Variants in PARN observed in about 807,000 individuals in gnomAD.
PARN encodes poly(A)-specific ribonuclease PARN.
PARN carries 71 observed loss-of-function variants against 102.8 expected under a neutral mutation model. The ratio of observed to expected loss-of-function variants is 0.69; its 90% CI spans 0.57 to 0.84. The LOEUF (loss-of-function observed/expected upper bound fraction) is 0.84, where lower values mean the gene tolerates loss of function less well. Among genes scored for constraint, PARN ranks in the 40% least tolerant of loss-of-function variants. The pLI, the probability that PARN is intolerant of heterozygous loss-of-function variation, is 0.00. For missense variants in PARN, 782 were observed against 760.9 expected, an observed-to-expected ratio of 1.03 and a Z score of -0.33; for synonymous variants, 261 against 252.9, an observed-to-expected ratio of 1.03 and a Z score of -0.30.
chr16:14,618,230 G>C (rs141430723), intron 5 of PARN, among the ~76,000 whole-genome samples: 6,223 of 152,232 alleles, frequency 0.041, 146 homozygotes, highest in African/African-American at 0.05. Flanking sequence ...GCTGACACCT[G>C]TAATCCCAGC....
intron 1 of PARN, 118 bp from the exon 2 acceptor site, chr16:14,629,792 G>A (rs1972919158): frequency 1.3e-6 from 1 of 797,896 alleles, no homozygotes; most frequent in Non-Finnish European, 2.2e-6. Context: ...AGTCCCGGAG[G>A]TGTGCACCGG....
chr16:14,620,162 G>A (rs1972209524), intron 5 of PARN, among the ~76,000 whole-genome samples: 1 of 150,734 alleles, frequency 6.6e-6, no homozygotes, highest in African/African-American at 2.4e-5. Context: ...CAGATTACAA[G>A]GTCAGGAGAT....
chr16:14,539,248 T>C (rs1194228698), intron 21 of PARN, among the ~76,000 whole-genome samples: 2 of 152,142 alleles, frequency 1.3e-5, no homozygotes, highest in Admixed American at 1.3e-4. Flanking sequence ...GTAATATGGA[T>C]AAGAAACAAT....
intron 18 of PARN, among the ~76,000 whole-genome samples, chr16:14,572,897 T>C (rs1464541557): frequency 6.6e-6 from 1 of 151,938 alleles, no homozygotes; most frequent in African/African-American, 2.4e-5. Context: ...TTTTTTCTTT[T>C]TTTTTTTTTG....
intron 22 of PARN, among the ~76,000 whole-genome samples, chr16:14,459,424 A>T (rs1961847179): frequency 6.6e-6 from 1 of 152,240 alleles, no homozygotes; most frequent in Admixed American, 6.5e-5. Flanking sequence ...CTTACAATAG[A>T]TCAAAAGGTA....
intron 21 of PARN, chr16:14,501,568 T>A (rs909312942): frequency 6.6e-6 from 1 of 151,720 alleles, no homozygotes; most frequent in South Asian, 2.1e-4. Context: ...CCTGATGTGG[T>A]TGGCCAACAG....
At chr16:14,599,233 G>A (rs964039552) in intron 12 of PARN, among the ~76,000 whole-genome samples, 1 of 151,732 alleles carries the variant, frequency 6.6e-6, no homozygotes, top group African/African-American at 2.4e-5. Context: ...GGTAGAGATG[G>A]GGTTTCCCCA....
chr16:14,617,358 T>C (rs1971984834), intron 6 of PARN, among the ~76,000 whole-genome samples: 1 of 134,318 alleles, frequency 7.4e-6, no homozygotes, highest in African/African-American at 2.9e-5. Context: ...CACTCCAGCC[T>C]GGGCAACAGA....
At chr16:14,521,938 A>T (rs1965755726) in intron 21 of PARN, among the ~76,000 whole-genome samples, 1 of 152,210 alleles carries the variant, frequency 6.6e-6, no homozygotes, top group Non-Finnish European at 1.5e-5. Context: ...ATTGTATTAC[A>T]ACTGCCTACT....
chr16:14,458,335 T>C (rs1157592451), intron 22 of PARN, among the ~76,000 whole-genome samples: 1 of 152,174 alleles, frequency 6.6e-6, no homozygotes, highest in East Asian at 1.9e-4. Context: ...CTAATCAAAT[T>C]AGTAACATAA....
chr16:14,605,654 C>CT (rs1225986575), intron 10 of PARN, among the ~76,000 whole-genome samples: 18 of 152,064 alleles, frequency 1.2e-4, no homozygotes, highest in Admixed American at 1.2e-3. Context: ...TATTTTTCTA[C>CT]TTTATTTAAT....
At chr16:14,529,858 CA>C (rs1966223510) in intron 21 of PARN, among the ~76,000 whole-genome samples, 1 of 152,116 alleles carries the variant, frequency 6.6e-6, no homozygotes, top group South Asian at 2.1e-4. Flanking sequence ...GTGTGAGGTC[CA>C]AATGGGGCTT....
chr16:14,582,417 C>A (rs1969590270), intron 16 of PARN, 126 bp from the exon 17 acceptor site: 1 of 666,202 alleles, frequency 1.5e-6, no homozygotes, highest in Admixed American at 2.3e-5. Context: ...GCTATCTATT[C>A]CTTAATTCTC....
rs527895592 is a variant in PARN at position 14,540,220 on chromosome 16, C to T, written c.1480+11801G>A. ...TTAAAAGTCATGCCATAGTTTGACT[C>T]ATTTATCTATTGCCACATTTAGAAT... is the stretch of plus-strand genomic sequence containing the variant. On this transcript the variant is annotated intron_variant, in intron 21 of 23. Transcript: ENST00000437198. Among the ~76,000 whole-genome samples, 35 of 152,292 alleles carry T rather than the reference C, an allele frequency of 2.3e-4. No individual in the cohort carries two copies. In the Middle Eastern group the frequency reaches 0.01, roughly 44 times the overall value.
At chr16:14,614,293 C>A (rs562423394) in intron 6 of PARN, among the ~76,000 whole-genome samples, 1 of 151,734 alleles carries the variant, frequency 6.6e-6, no homozygotes, top group African/African-American at 2.4e-5. Flanking sequence ...ATGAGAGGTG[C>A]AGTTTTTGAC....
intron 21 of PARN, among the ~76,000 whole-genome samples, chr16:14,546,063 C>T (rs978353430): frequency 6.6e-6 from 1 of 152,104 alleles, no homozygotes; most frequent in Non-Finnish European, 1.5e-5. Context: ...ATGGTAACAG[C>T]TGACTGGAAT....
At chr16:14,625,206 A>T (rs969030115) in intron 5 of PARN, among the ~76,000 whole-genome samples, 1 of 151,936 alleles carries the variant, frequency 6.6e-6, no homozygotes, top group African/African-American at 2.4e-5. Context: ...ACCAAAAAAA[A>T]AACAAAACAA....
At chr16:14,567,183 G>A (rs1424527946) in intron 18 of PARN, among the ~76,000 whole-genome samples, 1 of 152,188 alleles carries the variant, frequency 6.6e-6, no homozygotes, top group Non-Finnish European at 1.5e-5. Flanking sequence ...AAATGGCTTT[G>A]GTTAAAGTAT....
intron 5 of PARN, among the ~76,000 whole-genome samples, chr16:14,621,351 G>C (rs1390597021): frequency 6.6e-6 from 1 of 152,168 alleles, no homozygotes; most frequent in Non-Finnish European, 1.5e-5. Flanking sequence ...TGAATTCAAA[G>C]TCAGAGTCAT....
Sources: allele counts gnomAD v4.1 joint callset (sites outside exome capture counted in the v4.1 genomes callset), GRCh38; gene constraint gnomAD v4.1.1; transcripts MANE v1.5; gene names NCBI Gene and HGNC (gene_info 2026-07-23, HGNC 2026-07-21).